The following PDGFRB variants were observed in gnomAD, a reference collection of about 807,000 sequenced individuals.
PDGFRB encodes the protein platelet derived growth factor receptor beta.
A neutral mutation model predicts 120.2 loss-of-function variants in PDGFRB; 42 were observed. The ratio of observed to expected loss-of-function variants is 0.35; its 90% confidence interval spans 0.27 to 0.45. The LOEUF is 0.45. Among genes scored for constraint, PDGFRB ranks in the 20% least tolerant of loss-of-function variants. The probability of loss-of-function intolerance (pLI) is 1.00; values close to 1 mark genes in which losing one functional copy is unlikely to be tolerated. For synonymous variants in PDGFRB, 586 were observed against 606.8 expected, an observed-to-expected ratio of 0.97 and a Z score of 0.50; for missense variants, 1,149 against 1,476.3, an observed-to-expected ratio of 0.78 and a Z score of 3.63.
intron 2 of PDGFRB, among the ~76,000 whole-genome samples, chr5:150,136,746 T>G: frequency 6.6e-6 from 1 of 151,370 alleles, no homozygotes; most frequent in Non-Finnish European, 1.5e-5. Flanking sequence ...GGCCAGAAGG[T>G]GGGATGGGGT....
rs2113889463 is a variant in PDGFRB, at chr5:150,121,201, T to G, written c.2463+3A>C. 1 of 1,447,738 alleles carries G rather than the reference T, an allele frequency of 6.9e-7. No homozygotes were observed. Among genetic ancestry groups the G allele is most frequent in the African/African-American group, 1.4e-5 (1 of 71,728 alleles). The allele number at this position is 1,447,738 out of a possible 1,614,324, so 89.7% of individuals were successfully genotyped here. A position where few individuals can be genotyped will look rare whatever the true frequency, so the allele number is the denominator to read the frequency against. On this transcript the variant is annotated splice_donor_region_variant and intron_variant, in intron 17 of 22. Transcript: ENST00000261799. This position sits in a 1 kb window ranked among gnomAD's most constrained non-coding sequence, Gnocchi z 4.1. ...CACTCTGCCCCACCAACACCACACG[T>G]ACGTTCTTGGAGGCCAGAAACTCCA...
intron 1 of PDGFRB, among the ~76,000 whole-genome samples, chr5:150,149,020 G>A (rs1761001534): frequency 6.6e-6 from 1 of 152,190 alleles, no homozygotes; most frequent in Non-Finnish European, 1.5e-5. Context: ...AAGGAGGCAG[G>A]GAGACTTCAG....
intron 20 of PDGFRB, 123 bp downstream of exon 20, chr5:150,119,344 G>T (rs143145597): frequency 1.4e-6 from 1 of 712,336 alleles, no homozygotes; most frequent in Non-Finnish European, 2.6e-6. Context: ...GCTGGATCCA[G>T]TTACACCAAG....
At chr5:150,145,473 A>C (rs1760894808) in intron 1 of PDGFRB, among the ~76,000 whole-genome samples, 1 of 152,198 alleles carries the variant, frequency 6.6e-6, no homozygotes, top group Non-Finnish European at 1.5e-5. Flanking sequence ...CCTTATATGA[A>C]TGATCTCACC....
At chr5:150,134,354 A>G (rs1268640172) in intron 4 of PDGFRB, among the ~76,000 whole-genome samples, 2 of 152,192 alleles carry the variant, frequency 1.3e-5, no homozygotes, top group African/African-American at 4.8e-5. Context: ...AATCTTCACA[A>G]TTGATCCTAT....
Position 150,114,676 on chromosome 5 carries a change from A to G in PDGFRB, c.*1087T>C, listed in dbSNP as rs947984862. The G allele has an allele frequency of 1.7e-5, 4 of 233,222 alleles. No individual in the cohort carries two copies. The highest frequency in any genetic ancestry group is 6.1e-5 in the East Asian group (1 of 16,424). 14.4% of individuals were successfully genotyped at this position (233,222 alleles called of 1,614,324 possible). A position where few individuals can be genotyped will look rare whatever the true frequency, so the allele number is the denominator to read the frequency against. On this transcript the variant is annotated 3_prime_UTR_variant, in exon 23 of 23. Coordinates refer to ENST00000261799, the MANE Select transcript of PDGFRB (RefSeq NM_002609.4). ...TGTGATGTGTGATCTGGAATCTCCC[A>G]GGAGCCCAGCTGACCCCCAGGATGG...
intron 8 of PDGFRB, among the ~76,000 whole-genome samples, chr5:150,131,343 C>A (rs1427543186): frequency 1.3e-5 from 2 of 152,206 alleles, no homozygotes; most frequent in African/African-American, 4.8e-5. Flanking sequence ...GGCCTTTGCA[C>A]TGCCCGAGGT....
In PDGFRB at chr5:150,129,917, C is replaced by G; in HGVS notation, c.1419G>C (p.Glu473Asp). The G allele has an allele frequency of 6.2e-7, 1 of 1,614,170 alleles. No homozygotes were observed. The highest frequency in any genetic ancestry group is 8.5e-7 in the Non-Finnish European group (1 of 1,180,026). ...ACGTCACGTTAGTCTCCAGCTGGCTCTCCTCTTCGGAACTGTTCCCCAGCA... is the reference window on the plus strand; with the variant it reads ...ACGTCACGTTAGTCTCCAGCTGGCTGTCCTCTTCGGAACTGTTCCCCAGCA... ...PTLLGNSSEE[E>D]SQLETNVTYW... The change falls in exon 10 of 23, where the codon GAG (glutamate) becomes GAC (aspartate). Residue 473 changes from glutamate (E) to aspartate (D), a missense_variant. Coordinates refer to ENST00000261799, the MANE Select transcript of PDGFRB (RefSeq NM_002609.4).
chr5:150,144,276 C>T (rs1760859751), intron 1 of PDGFRB, among the ~76,000 whole-genome samples: 1 of 152,132 alleles, frequency 6.6e-6, no homozygotes, highest in Non-Finnish European at 1.5e-5. Flanking sequence ...CCCTCCTCTG[C>T]TCTCCATCCC....
At chr5:150,115,993 G>C (rs1313389461) in intron 22 of PDGFRB, 47 bp from the exon 23 acceptor site, 3 of 1,521,038 alleles carry the variant, frequency 2.0e-6, no homozygotes, top group Non-Finnish European at 2.7e-6. Flanking sequence ...GAGCCCAGGA[G>C]GATTCCAGCA....
chr5:150,151,266 C>A (rs140745256), intron 1 of PDGFRB, among the ~76,000 whole-genome samples: 1,815 of 152,322 alleles, frequency 0.012, 12 homozygotes, highest in Non-Finnish European at 0.019. Flanking sequence ...GATTTACCAT[C>A]ATCTGGGTCA....
chr5:150,154,877 A>T (rs79935216), intron 1 of PDGFRB, among the ~76,000 whole-genome samples: 1 of 152,232 alleles, frequency 6.6e-6, no homozygotes, highest in Non-Finnish European at 1.5e-5. Flanking sequence ...GTTTAGAAGG[A>T]TATCTTAAGA....
chr5:150,117,790 G>T lies in PDGFRB; in HGVS notation c.2965C>A (p.Gln989Lys), dbSNP rs1332695360. 8.1e-6 allele frequency: 13 copies of T among 1,613,802 alleles called. No homozygotes were observed. Among genetic ancestry groups the T allele is most frequent in the African/African-American group, 2.7e-5 (2 of 74,894 alleles). The change falls in exon 22 of 23, where the codon CAG (glutamine) becomes AAG (lysine). Residue 989 changes from glutamine (Q) to lysine (K), a missense_variant. Gln to Lys is a moderately conservative substitution (Grantham distance 53). Coordinates refer to ENST00000261799, the MANE Select transcript of PDGFRB (RefSeq NM_002609.4). ...CCATGGAACCCAGGCAAGCGGGCCTGGGACCGAAGGATGGCTGGGTGGTCA... is the reference window on the plus strand; with the variant it reads ...CCATGGAACCCAGGCAAGCGGGCCTTGGACCGAAGGATGGCTGGGTGGTCA... ...RSDHPAILRS[Q>K]ARLPGFHGLR... is the part of the protein sequence containing the mutation.
In PDGFRB at chr5:150,120,197, G is replaced by T. The variant is rs1359131892; in HGVS notation, c.2587-74C>A. ...CCACTCTGCACCTGGGATGGGAGGA[G>T]GGTATCTGGCAGCTCCCACCCACAA... is the stretch of plus-strand genomic sequence containing the variant. On this transcript the variant is annotated intron_variant, in intron 18 of 22. Transcript: ENST00000261799. The surrounding 1 kb of genome is among the most constrained non-coding windows in gnomAD (Gnocchi z 4.3). 5.3e-6 allele frequency: 4 copies of T among 759,660 alleles called. No homozygotes were observed. In the African/African-American group the frequency reaches 6.8e-5, roughly 13 times the overall value. 47.1% of individuals were successfully genotyped at this position (759,660 alleles called of 1,614,324 possible).
At position 150,125,493 on chromosome 5, in the gene PDGFRB, G is replaced by A. The variant is rs1760269712; in HGVS notation, c.1759C>T (p.Leu587=). Residue 587 remains leucine, a synonymous_variant, in exon 12 of 23, where the codon CTG becomes TTG. Coordinates refer to ENST00000261799, the MANE Select transcript of PDGFRB (RefSeq NM_002609.4). Reference sequence around the variant, plus strand: ...AGCTCCCACGTGGAGTCATAGGGCAGCTGCATGGGGTCCACGTAGATGTAC... The same window carrying A: ...AGCTCCCACGTGGAGTCATAGGGCAACTGCATGGGGTCCACGTAGATGTAC... ...HEYIYVDPMQ[L]PYDSTWELPR... The A allele has an allele frequency of 6.2e-7, 1 of 1,613,488 alleles. No homozygotes were observed. Among genetic ancestry groups the A allele is most frequent in the Non-Finnish European group, 8.5e-7 (1 of 1,179,488 alleles).
At chr5:150,118,611 C>G (rs1369235188) in intron 21 of PDGFRB, 136 bp downstream of exon 21, 1 of 675,514 alleles carries the variant, frequency 1.5e-6, no homozygotes, top group East Asian at 2.8e-5. Context: ...CTCCTAGAAC[C>G]AGCAGGGAAA....
intron 1 of PDGFRB, among the ~76,000 whole-genome samples, chr5:150,141,633 C>A (rs1760787452): frequency 6.6e-6 from 1 of 152,100 alleles, no homozygotes; most frequent in African/African-American, 2.4e-5. Context: ...CTGAAAAAAA[C>A]AGATGGATTT....
At chr5:150,130,506 GA>G in intron 9 of PDGFRB, 32 bp downstream of exon 9, 1 of 1,603,806 alleles carries the variant, frequency 6.2e-7, no homozygotes, top group Non-Finnish European at 8.5e-7. Context: ...GCCAGCTGGG[GA>G]CACTGGGAGA....
chr5:150,121,471 A>G lies in PDGFRB; in HGVS notation c.2345-149T>C. The G allele has an allele frequency of 1.6e-6, 1 of 641,334 alleles. No individual in the cohort carries two copies. The highest frequency in any genetic ancestry group is 2.8e-6 in the Non-Finnish European group (1 of 352,370). 39.7% of individuals were successfully genotyped at this position (641,334 alleles called of 1,614,324 possible). ...CCTAAAAGGAGAATGATTTCTTAAT[A>G]TCAAACTCAAAGTTCTCCTGCTTTA... On this transcript the variant is annotated intron_variant, in intron 16 of 22. Coordinates refer to ENST00000261799, the MANE Select transcript of PDGFRB (RefSeq NM_002609.4). This position sits in a 1 kb window ranked among gnomAD's most constrained non-coding sequence, Gnocchi z 4.1.
Sources: gnomAD v4.1 joint callset for allele counts (sites outside exome capture counted in the v4.1 genomes callset) on GRCh38, gnomAD v4.1.1 for gene constraint, Gnocchi (gnomAD v3.1) non-coding constraint, MANE v1.5 for transcripts, NCBI Gene and HGNC (gene_info 2026-07-23, HGNC 2026-07-21) for gene names.